MGAT4C: variants seen among roughly 807,000 people sequenced by gnomAD.
MGAT4C encodes the protein MGAT4 family member C, also known as alpha-1,3-mannosyl-glycoprotein 4-beta-N-acetylglucosaminyltransferase C.
A neutral mutation model predicts 40.1 loss-of-function variants in MGAT4C; 19 were observed. The ratio of observed to expected loss-of-function variants is 0.47; its 90% confidence interval spans 0.33 to 0.70. The LOEUF (loss-of-function observed/expected upper bound fraction) is 0.70. MGAT4C is among the 30% of genes least tolerant of loss of function. MGAT4C has a pLI of 0.02. For synonymous variants in MGAT4C, 181 were observed against 187.1 expected (o/e 0.97, Z 0.27); for missense variants, 491 against 563.2 (o/e 0.87, Z 1.30).
chr12:86,542,447 C>A (rs2136386901), intron 2 of MGAT4C, among the ~76,000 whole-genome samples: 1 of 152,302 alleles, frequency 6.6e-6, no homozygotes, highest in Admixed American at 6.5e-5. Context: ...TAGACACCAC[C>A]ATCTGAGGAA....
upstream of MGAT4C, among the ~76,000 whole-genome samples, chr12:86,258,283 TAATC>T (rs1252946947): frequency 7.1e-6 from 1 of 141,700 alleles, no homozygotes; most frequent in Non-Finnish European, 1.5e-5. Context: ...CAACAGGATA[TAATC>T]TATCTATCTA....
chr12:86,337,029 A>G (rs915971012), intron 3 of MGAT4C, among the ~76,000 whole-genome samples: 3 of 152,106 alleles, frequency 2.0e-5, no homozygotes, highest in Admixed American at 6.6e-5. Flanking sequence ...CATTTCATTC[A>G]TAAGGATAGT....
chr12:86,834,303 A>C (rs1952994234), intron 1 of MGAT4C, among the ~76,000 whole-genome samples: 1 of 151,796 alleles, frequency 6.6e-6, no homozygotes, highest in African/African-American at 2.4e-5. Flanking sequence ...ATTTAATTCT[A>C]ACTTTGGGTC....
chr12:85,979,935 T>TA lies in MGAT4C; in HGVS notation c.790dup (p.Tyr264LeufsTer5). 1.2e-6 allele frequency: 2 copies of TA among 1,613,810 alleles called. No homozygotes were observed. Among genetic ancestry groups the TA allele is most frequent in the Non-Finnish European group, 1.7e-6 (2 of 1,179,852 alleles). Reference sequence around the variant, plus strand: ...CAAACGTGGGAGATCATGAGAATGATAGAGTTTACCAATGTAGCCAAGCTT... The same window carrying TA: ...CAAACGTGGGAGATCATGAGAATGATAAGAGTTTACCAATGTAGCCAAGCTT... On this transcript the variant is annotated frameshift_variant, in exon 5 of 5. Transcript: ENST00000611864. LOFTEE classifies it high-confidence loss of function.
upstream of MGAT4C, among the ~76,000 whole-genome samples, chr12:86,258,892 T>C (rs578008530): frequency 7.2e-5 from 11 of 152,008 alleles, no homozygotes; most frequent in Non-Finnish European, 1.3e-4. Flanking sequence ...TACTTCATAC[T>C]AACGTTGGAC....
intron 2 of MGAT4C, among the ~76,000 whole-genome samples, chr12:86,524,843 C>T (rs1374213966): frequency 6.6e-6 from 1 of 151,958 alleles, no homozygotes; most frequent in African/African-American, 2.4e-5. Flanking sequence ...CTTTCCTTTG[C>T]TTCATCTATT....
intron 2 of MGAT4C, among the ~76,000 whole-genome samples, chr12:86,039,427 C>A (rs1891585376): frequency 6.6e-6 from 1 of 152,104 alleles, no homozygotes; most frequent in Non-Finnish European, 1.5e-5. Context: ...TCTTTTTACT[C>A]TTTTTTCTCT....
chr12:86,608,023 A>G (rs970748051), intron 2 of MGAT4C, among the ~76,000 whole-genome samples: 1 of 152,132 alleles, frequency 6.6e-6, no homozygotes, highest in Non-Finnish European at 1.5e-5. Context: ...CAATATTTTA[A>G]TGTGCACCCT....
intron 3 of MGAT4C, among the ~76,000 whole-genome samples, chr12:86,428,889 G>A (rs950115556): frequency 6.6e-6 from 1 of 151,562 alleles, no homozygotes; most frequent in Non-Finnish European, 1.5e-5. Context: ...TGACAATTTT[G>A]TTTCTTTTCA....
intron 2 of MGAT4C, among the ~76,000 whole-genome samples, chr12:86,554,452 AGCTTTGCT>A (rs750441134): frequency 3.2e-4 from 49 of 152,288 alleles, no homozygotes; most frequent in Non-Finnish European, 6.0e-4. Flanking sequence ...CATATTGCCC[AGCTTTGCT>A]GCTTTTCACT....
At chr12:86,819,884 GAA>G (rs1952676863) in intron 1 of MGAT4C, among the ~76,000 whole-genome samples, 1 of 73,622 alleles carries the variant, frequency 1.4e-5, no homozygotes, top group Non-Finnish European at 4.2e-5. Flanking sequence ...TGCTTAATAA[GAA>G]TGAGTATTTA....
rs191573889 is a variant in MGAT4C, at chr12:86,773,166, G to C, written c.-261-45925C>G. Among the ~76,000 whole-genome samples, 467 of 152,242 alleles carry C rather than the reference G, an allele frequency of 3.1e-3. 3 individuals are homozygous for C. Among genetic ancestry groups the C allele is most frequent in the Middle Eastern group, 0.014 (4 of 294 alleles). On this transcript the variant is annotated intron_variant, in intron 1 of 7. Coordinates refer to the MGAT4C transcript ENST00000548651. The stretch of plus-strand genomic sequence containing the variant: ...TTTACAGATATAATTAAGTTAAAAT[G>C]AGTTACTTGGGGTAGGTCTTAATCC...
intron 1 of MGAT4C, among the ~76,000 whole-genome samples, chr12:86,765,983 CAT>C (rs1951500240): frequency 6.6e-6 from 1 of 152,130 alleles, no homozygotes; most frequent in South Asian, 2.1e-4. Flanking sequence ...AACCAGCTAA[CAT>C]CATAATGACA....
At chr12:86,413,949 A>T (rs1956654591) in intron 3 of MGAT4C, among the ~76,000 whole-genome samples, 1 of 152,094 alleles carries the variant, frequency 6.6e-6, no homozygotes, top group Non-Finnish European at 1.5e-5. Flanking sequence ...TTGTTCAGTA[A>T]CTATTTTTTA....
At position 86,458,223 on chromosome 12, in the gene MGAT4C, T is replaced by G. The variant is rs1010854414; in HGVS notation, c.-228-22958A>C. ...TTAAAATCATTACAGACAATAAAAC[T>G]AAGCCATGCCTGATTTTTAAAAATT... On this transcript the variant is annotated intron_variant, in intron 2 of 7. Coordinates refer to the MGAT4C transcript ENST00000548651. Among the ~76,000 whole-genome samples, 4 of 152,146 alleles carry G rather than the reference T, an allele frequency of 2.6e-5. No individual in the cohort carries two copies. In the South Asian group the frequency reaches 6.2e-4, roughly 24 times the overall value.
chr12:86,662,407 A>C (rs1964000901), intron 2 of MGAT4C, among the ~76,000 whole-genome samples: 1 of 152,332 alleles, frequency 6.6e-6, no homozygotes, highest in South Asian at 2.1e-4. Context: ...TAATCTCCCT[A>C]TGAAGATTAT....
At chr12:86,218,578 G>A (rs1286160373) in intron 1 of MGAT4C, among the ~76,000 whole-genome samples, 2 of 152,112 alleles carry the variant, frequency 1.3e-5, no homozygotes, top group Non-Finnish European at 2.9e-5. Context: ...ATTATTATGT[G>A]TTTGAGAAAT....
Position 86,497,786 on chromosome 12 carries a change from T to A in MGAT4C, c.-228-62521A>T, listed in dbSNP as rs192376169. ...TCCAATTAGCATGGTGATGCTTATT[T>A]TGCTTATTTTTCACCTTCAATTGCT... On this transcript the variant is annotated intron_variant, in intron 2 of 7. Coordinates refer to the MGAT4C transcript ENST00000548651. Among the ~76,000 whole-genome samples the A allele has an allele frequency of 3.0e-3, 454 of 150,976 alleles. 2 individuals carry two copies. Among genetic ancestry groups the A allele is most frequent in the Non-Finnish European group, 5.1e-3 (342 of 67,622 alleles).
chr12:86,618,587 T>C (rs1237662874), intron 2 of MGAT4C, among the ~76,000 whole-genome samples: 1 of 152,104 alleles, frequency 6.6e-6, no homozygotes, highest in Non-Finnish European at 1.5e-5. Flanking sequence ...GAAAGATAAA[T>C]ATATCATGTT....
Sources: allele counts gnomAD v4.1 joint callset (sites outside exome capture counted in the v4.1 genomes callset), GRCh38; gene constraint gnomAD v4.1.1; transcripts MANE v1.5; gene names NCBI Gene and HGNC (gene_info 2026-07-23, HGNC 2026-07-21).